Variants in ZNF618 observed in about 807,000 individuals in gnomAD.
ZNF618 encodes the protein neural precursor cell expressed, developmentally down-regulated 10.
A neutral mutation model predicts 103.0 loss-of-function variants in ZNF618; 34 were observed. The observed-to-expected ratio is 0.33, with a 90% CI of 0.25 to 0.44. ZNF618 has a LOEUF of 0.44. Ranked by LOEUF, ZNF618 falls within the 20% of genes least tolerant of loss-of-function variation. ZNF618 has a pLI of 1.00. For synonymous variants in ZNF618, 551 were observed against 542.2 expected (o/e 1.02, Z -0.23); for missense variants, 1,059 against 1,295.4 (o/e 0.82, Z 2.80).
chr9:114,004,524 C>G (rs576676485), intron 6 of ZNF618, among the ~76,000 whole-genome samples: 1 of 152,374 alleles, frequency 6.6e-6, no homozygotes, highest in Non-Finnish European at 1.5e-5. Flanking sequence ...TGTGTTCCGT[C>G]TGGCTTCCGT....
rs1217755067 is a variant in ZNF618 at position 114,053,677 on chromosome 9, G to T, written c.*3510G>T. On this transcript the variant is annotated 3_prime_UTR_variant, in exon 15 of 15. Transcript: ENST00000374126. ...CCAAGGAATCTCAGGTCCACCAAGA[G>T]CATTGGTACCATCTGGGCCACGGGT... The T allele has an allele frequency of 6.6e-6, 1 of 152,240 alleles. No homozygotes were observed. The highest frequency in any genetic ancestry group is 1.5e-5 in the Non-Finnish European group (1 of 68,090). The allele number at this position is 152,240 out of a possible 1,614,324, so 9.4% of individuals were successfully genotyped here.
intron 1 of ZNF618, among the ~76,000 whole-genome samples, chr9:113,963,823 A>G (rs887880349): frequency 5.9e-5 from 9 of 152,174 alleles, no homozygotes; most frequent in Non-Finnish European, 1.0e-4. Flanking sequence ...TGACATGGTC[A>G]TGTGTGGGAT....
chr9:114,017,719 C>G (rs1021390756), intron 10 of ZNF618, among the ~76,000 whole-genome samples: 8 of 152,096 alleles, frequency 5.3e-5, no homozygotes, highest in South Asian at 4.1e-4. Flanking sequence ...AGACTTTGGT[C>G]CAAACAGAGA....
intron 1 of ZNF618, among the ~76,000 whole-genome samples, chr9:113,911,789 C>T (rs1831576632): frequency 6.6e-6 from 1 of 152,076 alleles, no homozygotes; most frequent in African/African-American, 2.4e-5. Flanking sequence ...CCTCGACAGC[C>T]CAACAGTGGC....
intron 10 of ZNF618, among the ~76,000 whole-genome samples, chr9:114,018,237 A>AGG (rs1363395268): frequency 2.6e-5 from 4 of 152,220 alleles, no homozygotes. Context: ...TCCACTGGGT[A>AGG]GGCACCGACT....
chr9:113,930,142 G>A (rs1314617936), intron 1 of ZNF618, among the ~76,000 whole-genome samples: 2 of 152,142 alleles, frequency 1.3e-5, no homozygotes, highest in African/African-American at 4.8e-5. Flanking sequence ...TTGTCTGTAG[G>A]TTCTGAAGCC....
rs145282064 is a variant in ZNF618 at position 113,891,332 on chromosome 9, C to T, written c.33+14919C>T. On this transcript the variant is annotated intron_variant, in intron 1 of 14. Transcript: ENST00000374126. ...AAAAATAACTCCATTAAAAAATGGG[C>T]GAAGAAGTTGAATAGACATTTCTCC... Among the ~76,000 whole-genome samples the T allele has an allele frequency of 3.4e-3, 524 of 152,064 alleles. 2 individuals carry two copies. The highest frequency in any genetic ancestry group is 0.012 in the African/African-American group (505 of 41,472).
chr9:113,987,850 A>G (rs527908074), intron 2 of ZNF618, among the ~76,000 whole-genome samples: 2 of 152,288 alleles, frequency 1.3e-5, no homozygotes, highest in African/African-American at 4.8e-5. Flanking sequence ...AAAGAAATGC[A>G]GAATCTCAGG....
In ZNF618 at chr9:114,013,576, G is replaced by T. The variant is rs933839625; in HGVS notation, c.755-3119G>T. Among the ~76,000 whole-genome samples, 3 of 152,138 alleles carry T rather than the reference G, an allele frequency of 2.0e-5. No individual in the cohort carries two copies. The East Asian group carries it at 5.8e-4, about 29-fold the overall frequency. On this transcript the variant is annotated intron_variant, in intron 9 of 14. Coordinates refer to ENST00000374126, the MANE Select transcript of ZNF618 (RefSeq NM_001318042.2). Reference sequence around the variant, plus strand: ...CTCCCAAGTAGCTGGGACTACAGGCGCCCGCCACCACGCCTGGCTAATTTT... The same window carrying T: ...CTCCCAAGTAGCTGGGACTACAGGCTCCCGCCACCACGCCTGGCTAATTTT...
chr9:113,918,751 G>A (rs1832356994), intron 1 of ZNF618, among the ~76,000 whole-genome samples: 1 of 152,060 alleles, frequency 6.6e-6, no homozygotes, highest in South Asian at 2.1e-4. Flanking sequence ...CATTCTTTGA[G>A]CATTTCTTAC....
chr9:113,982,707 A>T (rs371549122), intron 2 of ZNF618, among the ~76,000 whole-genome samples: 1 of 152,178 alleles, frequency 6.6e-6, no homozygotes, highest in African/African-American at 2.4e-5. Flanking sequence ...TGTATTGAAG[A>T]TGGGGAGTCT....
intron 1 of ZNF618, among the ~76,000 whole-genome samples, chr9:113,917,187 C>G (rs989499424): frequency 6.7e-6 from 1 of 150,178 alleles, no homozygotes; most frequent in African/African-American, 2.5e-5. Context: ...TTTCTGGGCT[C>G]GTCCCTCTGG....
chr9:114,042,294 A>G (rs1845265559), intron 13 of ZNF618, among the ~76,000 whole-genome samples: 1 of 152,238 alleles, frequency 6.6e-6, no homozygotes, highest in African/African-American at 2.4e-5. Context: ...AATTTACTAG[A>G]CAAATAAAAT....
At chr9:114,031,651 C>T (rs543320968) in intron 11 of ZNF618, among the ~76,000 whole-genome samples, 3 of 152,242 alleles carry the variant, frequency 2.0e-5, no homozygotes, top group Non-Finnish European at 4.4e-5. Context: ...CTGTGGGAAC[C>T]CCTCTTATGT....
chr9:113,996,347 G>T (rs573940773), intron 3 of ZNF618, among the ~76,000 whole-genome samples: 1 of 152,156 alleles, frequency 6.6e-6, no homozygotes, highest in Non-Finnish European at 1.5e-5. Flanking sequence ...CTACCCTTGC[G>T]TTTTTCTTCT....
chr9:114,038,995 A>G (rs1844879713), intron 13 of ZNF618, among the ~76,000 whole-genome samples: 1 of 152,226 alleles, frequency 6.6e-6, no homozygotes, highest in Non-Finnish European at 1.5e-5. Context: ...TAACAGTTCC[A>G]CTTCATAGCT....
rs938449679 is a variant in ZNF618 at position 114,007,305 on chromosome 9, A to G, written c.551-45A>G. On this transcript the variant is annotated intron_variant, in intron 6 of 14. Coordinates refer to ENST00000374126, the MANE Select transcript of ZNF618 (RefSeq NM_001318042.2). ...CTGGCCAGAAAAACCCCACCCCACA[A>G]GACTGAAGCCCTGGTAACCAGGTGT... is the stretch of plus-strand genomic sequence containing the variant. The G allele has an allele frequency of 1.9e-6, 3 of 1,583,708 alleles. No homozygotes were observed. The Admixed American group carries it at 5.1e-5, about 27-fold the overall frequency.
Position 114,049,279 on chromosome 9 carries a change from C to T in ZNF618, c.1977C>T (p.His659=), listed in dbSNP as rs576734112. 43 of 1,612,216 alleles carry T rather than the reference C, an allele frequency of 2.7e-5. No individual in the cohort carries two copies. The highest frequency in any genetic ancestry group is 3.2e-5 in the Non-Finnish European group (38 of 1,179,684). The stretch of plus-strand genomic sequence containing the variant: ...GGACACTGCAGGCCCGCAGCATGCA[C>T]GAGGTCATCGAGCTGCTCAACGTGT... ...SKRTLQARSM[H]EVIELLNVCE... Residue 659 remains histidine (H), a synonymous_variant, in exon 15 of 15, where the codon CAC becomes CAT. Transcript: ENST00000374126.
chr9:114,035,343 G>T (rs1239799936), intron 12 of ZNF618: 3 of 790,384 alleles, frequency 3.8e-6, no homozygotes, highest in Admixed American at 6.2e-5. Context: ...ATGGGCCTTG[G>T]GCTGCCCTCC....
Sources: gnomAD v4.1 joint callset for allele counts (sites outside exome capture counted in the v4.1 genomes callset) on GRCh38, gnomAD v4.1.1 for gene constraint, MANE v1.5 for transcripts, NCBI Gene and HGNC (gene_info 2026-07-23, HGNC 2026-07-21) for gene names.